The following RTL9 variants were observed in gnomAD, a reference collection of about 807,000 sequenced individuals.
The protein encoded by RTL9 is retrotransposon Gag like 9, also known as retrotransposon Gag-like protein 9.
Under a neutral mutation model 44.7 loss-of-function variants are expected in RTL9, and 19 were observed. The ratio of observed to expected loss-of-function variants is 0.42; its 90% confidence interval spans 0.30 to 0.62. RTL9 has a LOEUF of 0.62. Among genes scored for constraint, RTL9 ranks in the 20% least tolerant of loss-of-function variants. The pLI is 0.16. For synonymous variants in RTL9, 407 were observed against 398.9 expected (o/e 1.02, Z -0.24); for missense variants, 1,105 against 1,080.6 (o/e 1.02, Z -0.32).
chrX:110,376,507 G>C (rs1236048473), intron 1 of RTL9, among the ~76,000 whole-genome samples: 1 of 111,998 alleles, frequency 8.9e-6, no homozygotes, highest in Non-Finnish European at 1.9e-5. Flanking sequence ...ACACCTTAGA[G>C]GCTTCAGATG....
intron 1 of RTL9, among the ~76,000 whole-genome samples, chrX:110,410,101 C>T (rs2068631340): frequency 8.9e-6 from 1 of 111,737 alleles, no homozygotes; most frequent in South Asian, 3.8e-4. Context: ...CTGACTTTCT[C>T]GTTTTATGGG....
chrX:110,446,503 TA>T (rs1227065315), upstream of RTL9, among the ~76,000 whole-genome samples: 1 of 110,451 alleles, frequency 9.1e-6, no homozygotes, highest in African/African-American at 3.3e-5. Context: ...AACATATCTT[TA>T]AAAAAAATAA....
intron 1 of RTL9, among the ~76,000 whole-genome samples, chrX:110,360,120 G>A (rs1489190390): frequency 9.0e-6 from 1 of 111,566 alleles, no homozygotes; most frequent in Non-Finnish European, 1.9e-5. Context: ...TGAGGACAGA[G>A]AAGAAATCTC....
At chrX:110,449,422 G>C (rs767794062), upstream of RTL9, among the ~76,000 whole-genome samples, 2 of 112,571 alleles carry the variant, frequency 1.8e-5, no homozygotes, top group Non-Finnish European at 3.8e-5. Flanking sequence ...GATGACTTTT[G>C]TGACATTGTC....
At chrX:110,407,962 G>A (rs1481570941) in intron 1 of RTL9, among the ~76,000 whole-genome samples, 1 of 112,610 alleles carries the variant, frequency 8.9e-6, no homozygotes, top group East Asian at 2.8e-4. Context: ...GGTGATCATA[G>A]TGTCAGGGGG....
At chrX:110,432,284 C>T (rs779795872) in intron 1 of RTL9, among the ~76,000 whole-genome samples, 67 of 112,372 alleles carry the variant, frequency 6.0e-4, no homozygotes, top group African/African-American at 2.0e-3. Context: ...ACTTGCAAGA[C>T]GGGGAGCCAC....
chrX:110,360,577 A>G (rs2068256773), intron 1 of RTL9, among the ~76,000 whole-genome samples: 1 of 111,823 alleles, frequency 8.9e-6, no homozygotes, highest in Non-Finnish European at 1.9e-5. Flanking sequence ...TGGAGAGTAG[A>G]AGAAAGGGAG....
chrX:110,417,126 C>T (rs773808696), upstream of RTL9, among the ~76,000 whole-genome samples: 3 of 111,780 alleles, frequency 2.7e-5, no homozygotes, highest in Non-Finnish European at 3.8e-5. Flanking sequence ...TCTTCCCTAC[C>T]GCACTCATCC....
intron 1 of RTL9, among the ~76,000 whole-genome samples, chrX:110,368,516 C>T (rs1246357349): frequency 8.9e-6 from 1 of 112,080 alleles, no homozygotes; most frequent in Non-Finnish European, 1.9e-5. Context: ...GAGTGTCATG[C>T]TTATTCACTT....
At chrX:110,427,938 A>G (rs1409850211) in intron 1 of RTL9, among the ~76,000 whole-genome samples, 1 of 111,362 alleles carries the variant, frequency 9.0e-6, no homozygotes. Flanking sequence ...TACAACACAT[A>G]GCTCAGAAGA....
chrX:110,451,844 A>G (rs755104919), exon 1 of RTL9: 2 of 1,211,870 alleles, frequency 1.7e-6, no homozygotes, highest in Non-Finnish European at 1.1e-6. Context: ...TAGATTCTGG[A>G]GCAATGTCCA....
chrX:110,416,877 G>A (rs777265886), upstream of RTL9, among the ~76,000 whole-genome samples: 6 of 111,612 alleles, frequency 5.4e-5, no homozygotes, highest in South Asian at 2.3e-3. Flanking sequence ...TATGATTTCA[G>A]AGCTGAACCT....
At chrX:110,433,148 G>A (rs2068810984) in intron 1 of RTL9, among the ~76,000 whole-genome samples, 1 of 112,451 alleles carries the variant, frequency 8.9e-6, no homozygotes, top group African/African-American at 3.2e-5. Context: ...TGCTGAAAAC[G>A]CTGAGAGTGC....
At chrX:110,366,181 G>A (rs2068296048) in intron 1 of RTL9, among the ~76,000 whole-genome samples, 1 of 111,734 alleles carries the variant, frequency 8.9e-6, no homozygotes, top group Admixed American at 9.5e-5. Flanking sequence ...TGATTCCTAA[G>A]CTAGCATTTC....
At chrX:110,359,310 C>A (rs1384348391) in intron 1 of RTL9, among the ~76,000 whole-genome samples, 1 of 111,405 alleles carries the variant, frequency 9.0e-6, no homozygotes. Context: ...TTTTTTCACC[C>A]ATGAACCCTC....
chrX:110,441,980 G>A (rs1015952164), intron 1 of RTL9, among the ~76,000 whole-genome samples: 1 of 111,380 alleles, frequency 9.0e-6, no homozygotes, highest in East Asian at 2.8e-4. Flanking sequence ...GGGTCCCAAA[G>A]CCAGTTAGGA....
intron 1 of RTL9, among the ~76,000 whole-genome samples, chrX:110,376,437 C>G (rs1209380503): frequency 9.0e-6 from 1 of 111,400 alleles, no homozygotes; most frequent in African/African-American, 3.3e-5. Flanking sequence ...ATCTGAGACA[C>G]CATGGCTCTA....
chrX:110,454,248 C>T, exon 1 of RTL9: 9 of 1,211,962 alleles, frequency 7.4e-6, no homozygotes, highest in Non-Finnish European at 1.0e-5. Flanking sequence ...AGGAGAACCT[C>T]TCTCACATGA....
chrX:110,405,100 C>G (rs1016815907), intron 1 of RTL9, among the ~76,000 whole-genome samples: 26 of 100,220 alleles, frequency 2.6e-4, no homozygotes, highest in Non-Finnish European at 3.4e-4. Context: ...CCCCCCCCCC[C>G]CAAGCATGAG....
Sources: allele counts gnomAD v4.1 joint callset (sites outside exome capture counted in the v4.1 genomes callset), GRCh38; gene constraint gnomAD v4.1.1; transcripts MANE v1.5; gene names NCBI Gene and HGNC (gene_info 2026-07-23, HGNC 2026-07-21).